The following SAGE1 variants were observed in gnomAD, a reference collection of about 807,000 sequenced individuals.
SAGE1 encodes cancer/testis antigen 14.
SAGE1 carries 55 observed loss-of-function variants against 55.4 expected under a neutral mutation model. That is an observed-to-expected ratio of 0.99 (90% CI 0.80 to 1.24). The LOEUF (loss-of-function observed/expected upper bound fraction) is 1.24, where lower values mean the gene tolerates loss of function less well. Among genes scored for constraint, SAGE1 ranks in the 50% most tolerant of loss-of-function variants. The pLI, the probability that SAGE1 is intolerant of heterozygous loss-of-function variation, is 0.00. For missense variants in SAGE1, 710 were observed against 704.4 expected, an observed-to-expected ratio of 1.01 and a Z score of -0.09; for synonymous variants, 240 against 244.3, an observed-to-expected ratio of 0.98 and a Z score of 0.17.
intron 12 of SAGE1, 84 bp from the exon 13 acceptor site, chrX:135,908,780 A>G: frequency 8.9e-7 from 1 of 1,119,330 alleles, no homozygotes. Context: ...ATAATTTTCT[A>G]AAAATTCATC....
intron 13 of SAGE1, 114 bp downstream of exon 13, chrX:135,909,118 T>G: frequency 1.5e-6 from 1 of 678,712 alleles, no homozygotes; most frequent in Non-Finnish European, 2.2e-6. Context: ...ATTTGAGGGA[T>G]CTCAGTTGTC....
chrX:135,896,095 C>T lies in SAGE1; in HGVS notation c.1-148C>T. 6 of 435,043 alleles carry T rather than the reference C, an allele frequency of 1.4e-5. No individual in the cohort carries two copies. In the South Asian group the frequency reaches 2.6e-4, roughly 19 times the overall value. 35.9% of individuals were successfully genotyped at this position (435,043 alleles called of 1,213,427 possible). Reference sequence around the variant, plus strand: ...GATTCTAAACTCTGGTACCAAGGCACACATTGCTAAGACAATCTGTGATCA... The same window carrying T: ...GATTCTAAACTCTGGTACCAAGGCATACATTGCTAAGACAATCTGTGATCA... On this transcript the variant is annotated intron_variant, in intron 1 of 19. Transcript: ENST00000370709.
chrX:135,896,595 G>A (rs1267995669), intron 2 of SAGE1, among the ~76,000 whole-genome samples: 1 of 77,420 alleles, frequency 1.3e-5, no homozygotes, highest in African/African-American at 5.1e-5. Flanking sequence ...TTTCACTCTT[G>A]TTGCCCAGGC....
intron 1 of SAGE1, among the ~76,000 whole-genome samples, chrX:135,894,578 A>AT (rs1234011372): frequency 1.1e-4 from 11 of 104,685 alleles, no homozygotes; most frequent in South Asian, 4.2e-4. Context: ...AGATTGTTAG[A>AT]TTTTTTTTTT....
intron 3 of SAGE1, among the ~76,000 whole-genome samples, chrX:135,903,397 T>A (rs5929695): frequency 0.22 from 24,190 of 112,104 alleles, 2,032 homozygotes; most frequent in Non-Finnish European, 0.26. Flanking sequence ...GTGCATGTAC[T>A]GTCTGACTGC....
At chrX:135,909,539 T>TA in intron 13 of SAGE1, 100 bp from the exon 14 acceptor site, 2 of 879,925 alleles carry the variant, frequency 2.3e-6, no homozygotes, top group Non-Finnish European at 3.2e-6. Context: ...CCTCCTGTGT[T>TA]ATGGAACAAT....
chrX:135,901,756 G>A (rs1438581551), intron 3 of SAGE1, 65 bp downstream of exon 3: 3 of 1,026,472 alleles, frequency 2.9e-6, no homozygotes, highest in East Asian at 3.1e-5. Context: ...ATGTCCTTGA[G>A]GGATGAACAG....
chrX:135,897,202 G>A (rs1448558534), intron 2 of SAGE1, among the ~76,000 whole-genome samples: 2 of 112,204 alleles, frequency 1.8e-5, no homozygotes, highest in African/African-American at 6.5e-5. Context: ...TGTCCTGATG[G>A]AGATCTTAAT....
At position 135,906,141 on chromosome X, in the gene SAGE1, C is replaced by T. The variant is rs781948520; in HGVS notation, c.572C>T (p.Pro191Leu). 7.5e-6 allele frequency: 9 copies of T among 1,204,937 alleles called. No homozygotes were observed. In the Admixed American group the frequency reaches 2.0e-4, roughly 27 times the overall value. The change falls in exon 6 of 20, where the codon CCA becomes CTA. Residue 191 changes from proline to leucine, a missense_variant. Physicochemically the swap from Pro to Leu is moderately conservative, Grantham distance 98. Coordinates refer to ENST00000370709, the MANE Select transcript of SAGE1 (RefSeq NM_001381902.1). ...GLINMAATPI[P>L]AMSARDLYAT... ...ATTAATATGGCAGCAACTCCTATTC[C>T]AGCCATGAGTGCCAGAGATCTCTGT... is the stretch of plus-strand genomic sequence containing the variant.
At chrX:135,909,548 A>C (rs2088856942) in intron 13 of SAGE1, 91 bp from the exon 14 acceptor site, 1 of 925,578 alleles carries the variant, frequency 1.1e-6, no homozygotes, top group Non-Finnish European at 1.5e-6. Flanking sequence ...TTATGGAACA[A>C]TTTCTTACAA....
chrX:135,907,795 T>G lies in SAGE1; in HGVS notation c.1113T>G (p.Ala371=). The G allele has an allele frequency of 8.3e-7, 1 of 1,210,895 alleles. No individual in the cohort carries two copies. The highest frequency in any genetic ancestry group is 1.1e-6 in the Non-Finnish European group (1 of 894,638). ...NALSTVLPGL[A]YLATADMPAM... ...TGTCAACTGTTCTACCAGGGCTTGC[T>G]TATTTGGCAACAGCTGATATGCCAG... Residue 371 remains alanine (A), a synonymous_variant, in exon 10 of 20, where the codon GCT becomes GCG. Coordinates refer to ENST00000370709, the MANE Select transcript of SAGE1 (RefSeq NM_001381902.1).
chrX:135,895,290 G>T (rs1556592764), intron 1 of SAGE1, among the ~76,000 whole-genome samples: 1 of 111,616 alleles, frequency 9.0e-6, no homozygotes, highest in Admixed American at 9.5e-5. Flanking sequence ...TGTTTATATG[G>T]AAATAACAAA....
At chrX:135,904,866 G>A (rs782125829) in intron 4 of SAGE1, among the ~76,000 whole-genome samples, 37 of 111,275 alleles carry the variant, frequency 3.3e-4, no homozygotes, top group Non-Finnish European at 4.0e-4. Context: ...GTTTCCACAC[G>A]CTACTGTCAA....
chrX:135,901,051 T>G (rs1556596283), intron 2 of SAGE1, among the ~76,000 whole-genome samples: 3 of 97,882 alleles, frequency 3.1e-5, no homozygotes, highest in African/African-American at 1.2e-4. Context: ...GCTGAGGCAG[T>G]AGAATGGCGT....
At chrX:135,903,117 G>T (rs2088708540) in intron 3 of SAGE1, among the ~76,000 whole-genome samples, 1 of 111,284 alleles carries the variant, frequency 9.0e-6, no homozygotes, top group Non-Finnish European at 1.9e-5. Flanking sequence ...ATTTCCTCCT[G>T]GCTCTCTCTG....
rs782219784 is a variant in SAGE1 at position 135,906,499 on chromosome X, G to A, written c.684G>A (p.Arg228=). ...ACGTGTTGTTGACTCTTCGACCACG[G>A]CGTATTAATATGACAGACACTGGTA... is the stretch of plus-strand genomic sequence containing the variant. The part of the protein sequence containing the change: ...PDNVLLTLRP[R]RINMTDTGIS... Residue 228 remains arginine (R), a synonymous_variant, in exon 7 of 20, where the codon CGG becomes CGA. Transcript: ENST00000370709. 7.4e-6 allele frequency: 9 copies of A among 1,209,335 alleles called. No individual in the cohort carries two copies. The South Asian group carries it at 1.4e-4, about 19-fold the overall frequency.
In SAGE1 at chrX:135,906,041, A is replaced by G. The variant is rs1556600560; in HGVS notation, c.472A>G (p.Asn158Asp). 2 of 1,207,240 alleles carry G rather than the reference A, an allele frequency of 1.7e-6. No individual in the cohort carries two copies. Among genetic ancestry groups the G allele is most frequent in the South Asian group, 3.6e-5 (2 of 56,233 alleles). The stretch of plus-strand genomic sequence containing the variant: ...GTTTCCAGATTCTACCGTCACTCAC[A>G]ATATCCGTGAAGAGAGAATGGAAAA... Reference protein sequence around the residue: ...TRDLHSTVTHNIREERMENGQ... With the variant: ...TRDLHSTVTHDIREERMENGQ... The change falls in exon 6 of 20, where the codon AAT becomes GAT. Residue 158 changes from asparagine (N) to aspartate (D), a missense_variant. By Grantham distance (23) the Asn-to-Asp change is conservative (BLOSUM62 1). Transcript: ENST00000370709.
At chrX:135,897,728 G>C (rs1308603330) in intron 2 of SAGE1, among the ~76,000 whole-genome samples, 1 of 111,292 alleles carries the variant, frequency 9.0e-6, no homozygotes, top group Non-Finnish European at 1.9e-5. Context: ...TTATTACATA[G>C]GTAAACGTGT....
chrX:135,895,139 C>T (rs1227584864), intron 1 of SAGE1, among the ~76,000 whole-genome samples: 1 of 111,344 alleles, frequency 9.0e-6, no homozygotes, highest in African/African-American at 3.3e-5. Flanking sequence ...GAAATAGAAT[C>T]TTAGAGTGTA....
Sources: gnomAD v4.1 joint callset for allele counts (sites outside exome capture counted in the v4.1 genomes callset) on GRCh38, gnomAD v4.1.1 for gene constraint, MANE v1.5 for transcripts, NCBI Gene and HGNC (gene_info 2026-07-23, HGNC 2026-07-21) for gene names.